Variants in PCDHA2 observed in about 807,000 individuals in gnomAD.
The protein encoded by PCDHA2 is protocadherin alpha-2.
In PCDHA2, 58 loss-of-function variants were observed where a neutral mutation model predicts 66.0. That is an observed-to-expected ratio of 0.88 (90% confidence interval 0.71 to 1.09). The LOEUF (loss-of-function observed/expected upper bound fraction) is 1.09. PCDHA2 is among the 50% of genes least tolerant of loss of function. The pLI, the probability that PCDHA2 is intolerant of heterozygous loss-of-function variation, is 0.00. For synonymous variants in PCDHA2, 634 were observed against 554.0 expected, an observed-to-expected ratio of 1.14 and a Z score of -2.03; for missense variants, 1,267 against 1,242.3, an observed-to-expected ratio of 1.02 and a Z score of -0.30.
intron 1 of PCDHA2, among the ~76,000 whole-genome samples, chr5:140,936,969 A>G (rs1391736933): frequency 2.0e-5 from 3 of 152,202 alleles, no homozygotes; most frequent in African/African-American, 7.2e-5. Context: ...ATCTATAAAA[A>G]TATGAAGCTT....
At chr5:140,870,944 C>G in intron 1 of PCDHA2, 1 of 1,613,658 alleles carries the variant, frequency 6.2e-7, no homozygotes, top group Middle Eastern at 1.7e-4. Context: ...CAGCCGGCGG[C>G]GGGCGGCTCG....
At chr5:140,870,423 A>G in intron 1 of PCDHA2, 2 of 1,614,178 alleles carry the variant, frequency 1.2e-6, no homozygotes, top group African/African-American at 1.3e-5. Flanking sequence ...CGGCCAGGGT[A>G]TCCGTGGAGG....
intron 1 of PCDHA2, chr5:140,823,821 G>C: frequency 1.2e-6 from 2 of 1,613,800 alleles, no homozygotes; most frequent in Non-Finnish European, 8.5e-7. Context: ...CGCGGGCGTC[G>C]GCGGGCGCTG....
intron 1 of PCDHA2, chr5:140,801,615 CTGTT>C: frequency 1.2e-6 from 2 of 1,614,108 alleles, no homozygotes; most frequent in Non-Finnish European, 1.7e-6. Flanking sequence ...TGTAAAGAAT[CTGTT>C]TATTTCCGAA....
intron 1 of PCDHA2, chr5:140,834,376 A>G (rs2150216105): frequency 6.4e-7 from 1 of 1,561,296 alleles, no homozygotes; most frequent in East Asian, 2.3e-5. Flanking sequence ...ACAAGCCAAT[A>G]ATTTGAAATG....
chr5:140,907,864 G>A (rs1033952784), intron 1 of PCDHA2, among the ~76,000 whole-genome samples: 3 of 152,202 alleles, frequency 2.0e-5, no homozygotes, highest in African/African-American at 7.2e-5. Context: ...GAGGCCAGCC[G>A]TTGGTGAGCA....
At chr5:140,981,378 A>G (rs1386165836) in intron 2 of PCDHA2, among the ~76,000 whole-genome samples, 3 of 152,186 alleles carry the variant, frequency 2.0e-5, no homozygotes, top group Non-Finnish European at 4.4e-5. Flanking sequence ...GTTCAAGACC[A>G]GCCTGGTCAA....
At chr5:140,803,594 G>C in intron 1 of PCDHA2, 1 of 1,614,130 alleles carries the variant, frequency 6.2e-7, no homozygotes. Context: ...CAGCCAAAGT[G>C]AGTAATTTTT....
intron 1 of PCDHA2, among the ~76,000 whole-genome samples, chr5:140,949,916 A>G (rs1350647225): frequency 6.6e-6 from 1 of 150,834 alleles, no homozygotes; most frequent in African/African-American, 2.4e-5. Flanking sequence ...AGATATAACT[A>G]TTTTTAGATT....
chr5:140,928,288 C>CA (rs1554205700), intron 1 of PCDHA2: 1 of 1,614,156 alleles, frequency 6.2e-7, no homozygotes, highest in East Asian at 2.2e-5. Flanking sequence ...CTCTCTAGGC[C>CA]GAGTGTTTGC....
At chr5:141,006,368 C>A (rs1395158727) in intron 3 of PCDHA2, among the ~76,000 whole-genome samples, 1 of 151,954 alleles carries the variant, frequency 6.6e-6, no homozygotes, top group Non-Finnish European at 1.5e-5. Flanking sequence ...CCCACCACCA[C>A]GCCCGGCTAA....
intron 1 of PCDHA2, among the ~76,000 whole-genome samples, chr5:140,799,725 C>G (rs1188641105): frequency 6.6e-6 from 1 of 152,058 alleles, no homozygotes; most frequent in Non-Finnish European, 1.5e-5. Flanking sequence ...GCAGTCCTGG[C>G]TTCCATTTCA....
At chr5:140,883,416 G>A (rs782422692) in intron 1 of PCDHA2, 3 of 1,614,158 alleles carry the variant, frequency 1.9e-6, no homozygotes, top group East Asian at 2.2e-5. Context: ...GGCTCAAATG[G>A]ACAGGTCACC....
At position 140,822,970 on chromosome 5, in the gene PCDHA2, A is replaced by C. The variant is rs2150120845; in HGVS notation, c.2388+25618A>C. 1.5e-5 allele frequency: 24 copies of C among 1,614,206 alleles called. No individual in the cohort carries two copies. The East Asian group carries it at 5.1e-4, about 34-fold the overall frequency. The stretch of plus-strand genomic sequence containing the variant: ...CCACGTTCCCTTCAAGCTGGTGTCC[A>C]CCTTCAAGAATTACTACTCGTTGGT... On this transcript the variant is annotated intron_variant, in intron 1 of 3. Transcript: ENST00000526136.
At chr5:140,868,600 T>C (rs2050538799) in intron 1 of PCDHA2, 1 of 153,224 alleles carries the variant, frequency 6.5e-6, no homozygotes, top group African/African-American at 2.4e-5. Context: ...CCCTAGTTTT[T>C]CATGAGGCCA....
intron 1 of PCDHA2, among the ~76,000 whole-genome samples, chr5:140,922,606 T>C (rs1394298971): frequency 2.6e-5 from 4 of 152,176 alleles, no homozygotes; most frequent in African/African-American, 9.7e-5. Context: ...GTTGAAGATA[T>C]ATTAAAACTA....
chr5:140,861,627 T>C, intron 1 of PCDHA2: 1 of 322,548 alleles, frequency 3.1e-6, no homozygotes, highest in South Asian at 3.1e-5. Flanking sequence ...GCCAGTGTTC[T>C]CAGCAACACA....
At position 140,983,424 on chromosome 5, in the gene PCDHA2, A is replaced by G. The variant is rs115903969; in HGVS notation, c.2536+861A>G. On this transcript the variant is annotated intron_variant, in intron 3 of 3. Transcript: ENST00000526136. ...GGAAGATTAAGTGTTGGTAGAGACC[A>G]CAAATTGTGTCTACTCTAATCCTCT... Among the ~76,000 whole-genome samples, 1,234 of 152,366 alleles carry G rather than the reference A, an allele frequency of 8.1e-3. 22 individuals are homozygous for G. Among genetic ancestry groups the G allele is most frequent in the African/African-American group, 0.028 (1,160 of 41,578 alleles).
intron 1 of PCDHA2, chr5:140,853,989 C>A: frequency 4.0e-6 from 2 of 494,684 alleles, no homozygotes; most frequent in Non-Finnish European, 5.4e-6. Context: ...TGTAGTGAGA[C>A]TCATCTCTGC....
Sources: gnomAD v4.1 joint callset for allele counts (sites outside exome capture counted in the v4.1 genomes callset) on GRCh38, gnomAD v4.1.1 for gene constraint, MANE v1.5 for transcripts, NCBI Gene and HGNC (gene_info 2026-07-23, HGNC 2026-07-21) for gene names.